The following NAMPT variants were observed in gnomAD, a reference collection of about 807,000 sequenced individuals.
NAMPT encodes NAmPRTase.
Under a neutral mutation model 58.7 loss-of-function variants are expected in NAMPT, and 7 were observed. The observed-to-expected ratio is 0.12, with a 90% CI of 0.07 to 0.22. NAMPT has a LOEUF of 0.22. Among genes scored for constraint, NAMPT ranks in the 10% least tolerant of loss-of-function variants. The probability of loss-of-function intolerance (pLI) is 1.00; values close to 1 mark genes in which losing one functional copy is unlikely to be tolerated. For synonymous variants in NAMPT, 145 were observed against 198.1 expected (o/e 0.73, Z 2.25); for missense variants, 271 against 567.9 (o/e 0.48, Z 5.31).
At chr7:106,285,104 T>C, upstream of NAMPT, 1 of 1,340,512 alleles carries the variant, frequency 7.5e-7, no homozygotes, top group Non-Finnish European at 9.6e-7. Context: ...GTGCTCGCAG[T>C]CTGGGAGCTC....
intron 9 of NAMPT, 31 bp from the exon 10 acceptor site, chr7:106,253,182 T>C (rs753922119): frequency 6.2e-7 from 1 of 1,604,822 alleles, no homozygotes; most frequent in South Asian, 1.1e-5. Flanking sequence ...GTTAGACAAG[T>C]AGAAGACTAA....
chr7:106,251,133 T>C lies in NAMPT; in HGVS notation c.1426A>G (p.Ile476Val). 1 of 1,606,990 alleles carries C rather than the reference T, an allele frequency of 6.2e-7. No homozygotes were observed. Among genetic ancestry groups the C allele is most frequent in the South Asian group, 1.1e-5 (1 of 90,922 alleles). The change falls in exon 11 of 11, where the codon ATA becomes GTA. Residue 476 changes from isoleucine to valine, a missense_variant. Ile to Val is a conservative substitution (Grantham distance 29). Transcript: ENST00000222553. ...ATATTCAGCTGTGCATTTTTTCTTA[T>C]TTCATCAAATGAATAGCTTTTTGTC... ...KVTKSYSFDE[I>V]RKNAQLNIEL... is the part of the protein sequence containing the mutation.
At chr7:106,273,510 C>T (rs2115803621) in intron 3 of NAMPT, among the ~76,000 whole-genome samples, 1 of 152,246 alleles carries the variant, frequency 6.6e-6, no homozygotes, top group Middle Eastern at 3.4e-3. Context: ...CTAGTTTGGA[C>T]TCAAAAGCAG....
intron 8 of NAMPT, among the ~76,000 whole-genome samples, chr7:106,257,302 G>A (rs1792218910): frequency 6.6e-6 from 1 of 151,676 alleles, no homozygotes; most frequent in East Asian, 1.9e-4. Context: ...GTACAGTTTT[G>A]GGCTGATTCT....
chr7:106,278,006 C>T (rs536194285), intron 1 of NAMPT, among the ~76,000 whole-genome samples: 3 of 152,228 alleles, frequency 2.0e-5, no homozygotes, highest in Non-Finnish European at 2.9e-5. Context: ...TGTGTATCTG[C>T]CCAATTTCAA....
chr7:106,285,334 G>T, upstream of NAMPT: 1 of 489,708 alleles, frequency 2.0e-6, no homozygotes, highest in East Asian at 1.4e-4. Context: ...TCGAGTTCCC[G>T]GCACGGGCGC....
At chr7:106,269,382 C>CTTT (rs35479106) in intron 4 of NAMPT, 70 bp from the exon 5 acceptor site, 206 of 1,152,570 alleles carry the variant, frequency 1.8e-4, no homozygotes, top group Middle Eastern at 4.4e-4. Flanking sequence ...AAAATCCTAG[C>CTTT]TTTTTTTTTT....
intron 2 of NAMPT, chr7:106,276,760 T>C: frequency 3.0e-6 from 1 of 328,150 alleles, no homozygotes; most frequent in Non-Finnish European, 5.8e-6. Flanking sequence ...GAGAATTGCC[T>C]GAAACCAGGA....
Position 106,263,297 on chromosome 7 carries a change from C to T in NAMPT, c.969+95G>A, listed in dbSNP as rs562066541. The T allele has an allele frequency of 2.6e-5, 23 of 893,742 alleles. No homozygotes were observed. In the Admixed American group the frequency reaches 2.7e-4, roughly 11 times the overall value. The allele number at this position is 893,742 out of a possible 1,614,324, so 55.4% of individuals were successfully genotyped here. On this transcript the variant is annotated intron_variant, in intron 7 of 10. Coordinates refer to ENST00000222553, the MANE Select transcript of NAMPT (RefSeq NM_005746.3). ...CTAAAATAAAGGGGACTGGTCCACA[C>T]AGCTCTGAAATTGTGTGTATATAAA...
intron 6 of NAMPT, among the ~76,000 whole-genome samples, chr7:106,268,081 CA>C (rs1189905878): frequency 6.6e-6 from 1 of 151,524 alleles, no homozygotes; most frequent in Non-Finnish European, 1.5e-5. Context: ...ATTTCTAGGG[CA>C]AATATAGATA....
Position 106,272,514 on chromosome 7 carries a change from TAAAA to T in NAMPT, c.447+12_447+15del. On this transcript the variant is annotated intron_variant, in intron 4 of 10. Coordinates refer to ENST00000222553, the MANE Select transcript of NAMPT (RefSeq NM_005746.3). ...TATTCAATTAATGTTAAATAAGAAT[TAAAA>T]AAACAATTTACCTCAATCCAATTTG... 6.3e-7 allele frequency: 1 copy of T among 1,598,168 alleles called. No individual in the cohort carries two copies. The highest frequency in any genetic ancestry group is 8.5e-7 in the Non-Finnish European group (1 of 1,171,516).
intron 8 of NAMPT, among the ~76,000 whole-genome samples, chr7:106,258,569 A>G (rs1247436502): frequency 6.6e-6 from 1 of 152,240 alleles, no homozygotes; most frequent in East Asian, 1.9e-4. Flanking sequence ...AAGACAATAC[A>G]GGCATACTTT....
intron 6 of NAMPT, among the ~76,000 whole-genome samples, chr7:106,267,876 A>AAAAAAAAAAAAAAAAAAACAAAAAAAAAC (rs1189395299): frequency 1.5e-5 from 2 of 130,456 alleles, no homozygotes; most frequent in Non-Finnish European, 3.3e-5. Flanking sequence ...AAAAAAAAAA[A>AAAAAAAAAAAAAAAAAAACAAAAAAAAAC]CAACCTGATT....
intron 8 of NAMPT, among the ~76,000 whole-genome samples, chr7:106,258,105 A>G (rs867250509): frequency 6.6e-6 from 1 of 152,144 alleles, no homozygotes; most frequent in Non-Finnish European, 1.5e-5. Context: ...TCCTTTCCAC[A>G]TGAAAGCCCC....
chr7:106,277,468 T>TCATC (rs1282514630), intron 1 of NAMPT, among the ~76,000 whole-genome samples: 1 of 152,136 alleles, frequency 6.6e-6, no homozygotes, highest in Non-Finnish European at 1.5e-5. Context: ...GAACAGTCCT[T>TCATC]CATCCAGGCG....
intron 4 of NAMPT, among the ~76,000 whole-genome samples, chr7:106,269,599 A>T (rs961638715): frequency 1.3e-5 from 2 of 152,232 alleles, no homozygotes; most frequent in African/African-American, 4.8e-5. Context: ...AATATTTTGA[A>T]AGACTATGTG....
intron 6 of NAMPT, among the ~76,000 whole-genome samples, chr7:106,267,459 A>C (rs1158550234): frequency 6.6e-6 from 1 of 152,172 alleles, no homozygotes; most frequent in African/African-American, 2.4e-5. Flanking sequence ...CTGCAATTTT[A>C]AGTATTAGCA....
In NAMPT at chr7:106,269,246, A is replaced by G. The variant is rs748082695; in HGVS notation, c.514T>C (p.Leu172=). The G allele has an allele frequency of 2.5e-6, 4 of 1,613,598 alleles. No homozygotes were observed. Among genetic ancestry groups the G allele is most frequent in the South Asian group, 2.2e-5 (2 of 91,042 alleles). ...ATNSREQKKI[L]AKYLLETSGN... ...GAAGTTTCTAACAAATATTTGGCCAATATTTTCTTCTGCTCTCTAGAATTT... is the reference window on the plus strand; with the variant it reads ...GAAGTTTCTAACAAATATTTGGCCAGTATTTTCTTCTGCTCTCTAGAATTT... The change falls in exon 5 of 11, where the codon TTG becomes CTG. Residue 172 remains leucine (L), a synonymous_variant. Transcript: ENST00000222553.
chr7:106,275,636 A>G (rs1267612774), intron 2 of NAMPT: 1 of 152,278 alleles, frequency 6.6e-6, no homozygotes, highest in African/African-American at 2.4e-5. Context: ...TTTAGTTATA[A>G]TTAAAAATGA....
Sources: gnomAD v4.1 joint callset for allele counts (sites outside exome capture counted in the v4.1 genomes callset) on GRCh38, gnomAD v4.1.1 for gene constraint, MANE v1.5 for transcripts, NCBI Gene and HGNC (gene_info 2026-07-23, HGNC 2026-07-21) for gene names.